Variants in EPB41L5 observed in about 807,000 individuals in gnomAD.
EPB41L5 encodes band 4.1-like protein 5.
A neutral mutation model predicts 106.6 loss-of-function variants in EPB41L5; 55 were observed. The ratio of observed to expected loss-of-function variants is 0.52; its 90% CI spans 0.42 to 0.65. The LOEUF is 0.65. Among genes scored for constraint, EPB41L5 ranks in the 30% least tolerant of loss-of-function variants. The pLI is 0.00. For synonymous variants in EPB41L5, 297 were observed against 306.7 expected (o/e 0.97, Z 0.33); for missense variants, 871 against 882.1 (o/e 0.99, Z 0.16).
chr2:120,063,674 A>G (rs1681239004), intron 3 of EPB41L5, among the ~76,000 whole-genome samples: 1 of 151,580 alleles, frequency 6.6e-6, no homozygotes, highest in African/African-American at 2.4e-5. Flanking sequence ...GGCCGGGTGC[A>G]GTGGCTCACG....
Position 120,167,468 on chromosome 2 carries a change from G to A in EPB41L5, c.1965G>A (p.Val655=), listed in dbSNP as rs570790972. Residue 655 remains valine (V), a splice_region_variant and synonymous_variant, in exon 23 of 25, where the codon GTG becomes GTA. Coordinates refer to ENST00000263713, the MANE Select transcript of EPB41L5 (RefSeq NM_020909.4). ...ACATACATATAAAATTATTTCAGGT[G>A]TCTTCCACATCCATGATCACACCCC... ...NLIDHTVAPQ[V]SSTSMITPRW... 1.2e-6 allele frequency: 2 copies of A among 1,613,024 alleles called. No individual in the cohort carries two copies. The highest frequency in any genetic ancestry group is 2.7e-5 in the African/African-American group (2 of 75,026).
chr2:120,122,101 A>G (rs1342783385), intron 16 of EPB41L5, among the ~76,000 whole-genome samples: 5 of 152,212 alleles, frequency 3.3e-5, no homozygotes, highest in Admixed American at 2.0e-4. Context: ...GTAGATTGCA[A>G]AAATGTTCTC....
At chr2:120,152,278 A>G (rs111692838) in intron 20 of EPB41L5, among the ~76,000 whole-genome samples, 1,744 of 152,304 alleles carry the variant, frequency 0.011, 29 homozygotes, top group African/African-American at 0.034. Flanking sequence ...ATGCTCATCA[A>G]TTGAGATTTT....
chr2:120,108,026 G>A (rs1260902794), intron 16 of EPB41L5: 1 of 152,010 alleles, frequency 6.6e-6, no homozygotes, highest in Non-Finnish European at 1.5e-5. Flanking sequence ...AAATAACTTT[G>A]GCTTTTTTAT....
chr2:120,127,971 G>A (rs1294197694), intron 17 of EPB41L5, 120 bp downstream of exon 17: 16 of 866,516 alleles, frequency 1.8e-5, no homozygotes, highest in African/African-American at 3.4e-5. Context: ...ATTTAATTCA[G>A]AAGAGTTATG....
chr2:120,070,985 C>T (rs557531901), intron 3 of EPB41L5, among the ~76,000 whole-genome samples: 2 of 152,210 alleles, frequency 1.3e-5, no homozygotes, highest in East Asian at 3.9e-4. Context: ...AAGTTCTGGC[C>T]AGCGCAATCA....
At position 120,163,484 on chromosome 2, in the gene EPB41L5, A is replaced by T. The variant is rs559896223; in HGVS notation, c.1888-1352A>T. On this transcript the variant is annotated intron_variant, in intron 21 of 24. Coordinates refer to ENST00000263713, the MANE Select transcript of EPB41L5 (RefSeq NM_020909.4). Reference sequence around the variant, plus strand: ...ATTAACATTTATAGGGAGAGAGTTCATATTGTATTATTTTACAAACAGAAG... The same window carrying T: ...ATTAACATTTATAGGGAGAGAGTTCTTATTGTATTATTTTACAAACAGAAG... Among the ~76,000 whole-genome samples, 6 of 152,124 alleles carry T rather than the reference A, an allele frequency of 3.9e-5. No individual in the cohort carries two copies. The East Asian group carries it at 1.2e-3, about 29-fold the overall frequency.
intron 18 of EPB41L5, among the ~76,000 whole-genome samples, chr2:120,137,736 A>G (rs1685988888): frequency 6.6e-6 from 1 of 152,130 alleles, no homozygotes; most frequent in Non-Finnish European, 1.5e-5. Context: ...AGAAAAGCCC[A>G]GGACCTGATG....
chr2:120,094,732 A>G (rs1022031547), intron 14 of EPB41L5, among the ~76,000 whole-genome samples: 12 of 152,208 alleles, frequency 7.9e-5, no homozygotes, highest in East Asian at 5.8e-4. Flanking sequence ...CTTTAATTCA[A>G]TAAGTTTTGC....
intron 24 of EPB41L5, among the ~76,000 whole-genome samples, chr2:120,168,524 A>G (rs1034768444): frequency 6.6e-5 from 10 of 152,330 alleles, no homozygotes; most frequent in African/African-American, 2.4e-4. Context: ...TGGTTCTTCA[A>G]CTTTTGATTT....
chr2:120,022,202 A>G (rs917000996), intron 2 of EPB41L5, among the ~76,000 whole-genome samples: 1 of 152,024 alleles, frequency 6.6e-6, no homozygotes, highest in Non-Finnish European at 1.5e-5. Flanking sequence ...TTTAAATTGT[A>G]CTTTAAGTTC....
intron 21 of EPB41L5, among the ~76,000 whole-genome samples, chr2:120,163,227 C>T (rs910387122): frequency 6.6e-6 from 1 of 150,856 alleles, no homozygotes; most frequent in Non-Finnish European, 1.5e-5. Flanking sequence ...TACACTCCAG[C>T]CTGGGTGACA....
intron 3 of EPB41L5, among the ~76,000 whole-genome samples, chr2:120,061,063 A>G (rs1369019320): frequency 6.4e-5 from 3 of 46,842 alleles, no homozygotes; most frequent in Admixed American, 5.4e-4. Flanking sequence ...TTTTTTGAGA[A>G]GGAGTCTCAC....
At chr2:120,074,289 G>A in intron 5 of EPB41L5, 111 bp downstream of exon 5, 1 of 699,532 alleles carries the variant, frequency 1.4e-6, no homozygotes, top group South Asian at 2.1e-5. Context: ...CTGTCCCCTG[G>A]TAACAAGACC....
At chr2:120,026,686 A>G (rs1431683541) in intron 2 of EPB41L5, among the ~76,000 whole-genome samples, 6 of 152,192 alleles carry the variant, frequency 3.9e-5, no homozygotes, top group South Asian at 2.1e-4. Flanking sequence ...ACTTTCTTAC[A>G]TATGATATAA....
chr2:120,125,784 T>C (rs1685435059), intron 16 of EPB41L5, among the ~76,000 whole-genome samples: 1 of 152,098 alleles, frequency 6.6e-6, no homozygotes, highest in Non-Finnish European at 1.5e-5. Flanking sequence ...GAATATGAGA[T>C]GTATTGGTTT....
intron 16 of EPB41L5, among the ~76,000 whole-genome samples, chr2:120,116,550 C>G (rs960317682): frequency 6.6e-6 from 1 of 152,092 alleles, no homozygotes; most frequent in African/African-American, 2.4e-5. Flanking sequence ...GAGATAGGGT[C>G]TTGCTCTCTC....
chr2:120,053,852 A>G (rs1304316642), intron 3 of EPB41L5, among the ~76,000 whole-genome samples: 1 of 152,188 alleles, frequency 6.6e-6, no homozygotes, highest in East Asian at 1.9e-4. Context: ...GCTTGAGCCC[A>G]GGAGTTCGAG....
intron 18 of EPB41L5, among the ~76,000 whole-genome samples, chr2:120,134,298 A>T (rs146458222): frequency 6.6e-6 from 1 of 152,226 alleles, no homozygotes; most frequent in East Asian, 1.9e-4. Context: ...AGATTCCTAC[A>T]GTTCCCAACT....
Sources: allele counts gnomAD v4.1 joint callset (sites outside exome capture counted in the v4.1 genomes callset), GRCh38; gene constraint gnomAD v4.1.1; transcripts MANE v1.5; gene names NCBI Gene and HGNC (gene_info 2026-07-23, HGNC 2026-07-21).